GPANK1: variants seen among roughly 807,000 people sequenced by gnomAD.
GPANK1 encodes the protein G patch domain and ankyrin repeat-containing protein 1.
GPANK1 carries 22 observed loss-of-function variants against 24.0 expected under a neutral mutation model. The observed-to-expected ratio is 0.92, with a 90% CI of 0.66 to 1.31. The LOEUF is 1.31. GPANK1 is among the 50% of genes most tolerant of loss of function. The probability of loss-of-function intolerance (pLI) is 0.00; values close to 1 mark genes in which losing one functional copy is unlikely to be tolerated. For missense variants in GPANK1, 469 were observed against 453.5 expected, an observed-to-expected ratio of 1.03 and a Z score of -0.31; for synonymous variants, 174 against 177.4, an observed-to-expected ratio of 0.98 and a Z score of 0.15.
At chr6:31,665,536 A>AC, upstream of GPANK1, 4 of 1,008,614 alleles carry the variant, frequency 4.0e-6, no homozygotes, top group South Asian at 1.5e-5. Context: ...CGCCCACCCC[A>AC]CCCCACCCAA....
rs1183593161 is a variant in GPANK1, at chr6:31,662,691, G to GGA, written c.644_645dup (p.Gln216SerfsTer50). On this transcript the variant is annotated frameshift_variant, in exon 3 of 3. Coordinates refer to ENST00000375896, the MANE Select transcript of GPANK1 (RefSeq NM_033177.4). LOFTEE classifies it high-confidence loss of function. This position sits in a 1 kb window ranked among gnomAD's most constrained non-coding sequence, Gnocchi z 5.5. ...TGGGTGTCACAGTTCTCGCAGTACTGGAGGGAGGGAGTAGGAGACCTGCAG... is the reference window on the plus strand; with the variant it reads ...TGGGTGTCACAGTTCTCGCAGTACTGGAGAGGGAGGGAGTAGGAGACCTGCAG... 2 of 1,594,858 alleles carry GGA rather than the reference G, an allele frequency of 1.3e-6. No homozygotes were observed. The highest frequency in any genetic ancestry group is 2.2e-5 in the East Asian group (1 of 44,534).
chr6:31,662,167 C>G lies in GPANK1; in HGVS notation c.*99G>C. The G allele has an allele frequency of 4.3e-6, 3 of 698,324 alleles. No individual in the cohort carries two copies. The highest frequency in any genetic ancestry group is 7.1e-6 in the Non-Finnish European group (3 of 424,474). 43.3% of individuals were successfully genotyped at this position (698,324 alleles called of 1,614,324 possible). ...GCCTATTGACCAAAAACTTCAGGAT[C>G]TGCATCTGAGCAGATCCCAGGAAGG... On this transcript the variant is annotated 3_prime_UTR_variant, in exon 3 of 3. Coordinates refer to ENST00000375896, the MANE Select transcript of GPANK1 (RefSeq NM_033177.4). This position sits in a 1 kb window ranked among gnomAD's most constrained non-coding sequence, Gnocchi z 5.5.
At chr6:31,665,906 C>T (rs1036938801), upstream of GPANK1, 25 of 1,082,754 alleles carry the variant, frequency 2.3e-5, no homozygotes, top group Admixed American at 3.4e-4. Context: ...CGCCCGCAAG[C>T]GCCCTCCTCC....
upstream of GPANK1, chr6:31,666,140 G>A (rs2151179943): frequency 1.0e-6 from 1 of 993,440 alleles, no homozygotes; most frequent in Admixed American, 5.6e-5. Context: ...CTGCGCTGTA[G>A]CGGTCGCCGC....
upstream of GPANK1, chr6:31,666,160 G>A (rs1049205319): frequency 4.0e-6 from 4 of 990,122 alleles, no homozygotes; most frequent in African/African-American, 7.0e-5. Context: ...CCGTTCCCTG[G>A]AAGTAGCAAC....
chr6:31,665,609 G>A (rs1801569440), upstream of GPANK1: 1 of 1,053,558 alleles, frequency 9.5e-7, no homozygotes, highest in East Asian at 2.9e-5. Context: ...GGAGGAAACA[G>A]TATGCCCGTC....
Position 31,661,296 on chromosome 6 carries a change from T to C in GPANK1, c.*970A>G, listed in dbSNP as rs113391307. On this transcript the variant is annotated 3_prime_UTR_variant, in exon 3 of 3. Transcript: ENST00000375896. Reference sequence around the variant, plus strand: ...GTTCTGGTCCCAGTTCAACTAAGTGTACAAGCTTGATAATCGTGGGCCTTC... The same window carrying C: ...GTTCTGGTCCCAGTTCAACTAAGTGCACAAGCTTGATAATCGTGGGCCTTC... 2 of 152,266 alleles carry C rather than the reference T, an allele frequency of 1.3e-5. No individual in the cohort carries two copies. The highest frequency in any genetic ancestry group is 1.5e-5 in the Non-Finnish European group (1 of 68,072). 9.4% of individuals were successfully genotyped at this position (152,266 alleles called of 1,614,324 possible).
upstream of GPANK1, chr6:31,665,610 T>C: frequency 3.7e-6 from 4 of 1,069,966 alleles, no homozygotes; most frequent in Non-Finnish European, 4.2e-6. Context: ...GAGGAAACAG[T>C]ATGCCCGTCA....
In GPANK1 at chr6:31,664,201, C is replaced by G. The variant is rs372861884; in HGVS notation, c.278G>C (p.Gly93Ala). 9.3e-6 allele frequency: 15 copies of G among 1,614,024 alleles called. No homozygotes were observed. The highest frequency in any genetic ancestry group is 1.3e-5 in the Non-Finnish European group (15 of 1,179,952). Reference protein sequence around the residue: ...AVAEGASGRHGQGRSLEAEDK... With the variant: ...AVAEGASGRHAQGRSLEAEDK... ...CTCAGCCTCAAGGGATCTCCCTTGTCCATGTCTTCCTGATGCTCCTTCTGC... is the reference window on the plus strand; with the variant it reads ...CTCAGCCTCAAGGGATCTCCCTTGTGCATGTCTTCCTGATGCTCCTTCTGC... The change falls in exon 2 of 3, where the codon GGA becomes GCA. Residue 93 changes from glycine to alanine, a missense_variant. Coordinates refer to ENST00000375896, the MANE Select transcript of GPANK1 (RefSeq NM_033177.4).
chr6:31,662,204 G>A lies in GPANK1; in HGVS notation c.*62C>T, dbSNP rs1455649352. The stretch of plus-strand genomic sequence containing the variant: ...AGATCCCAGGAAGGGGAAGTCAAAG[G>A]GCCCAGGTCAGAGGCCCAAGTTCAG... On this transcript the variant is annotated 3_prime_UTR_variant, in exon 3 of 3. Transcript: ENST00000375896. The surrounding 1 kb of genome is among the most constrained non-coding windows in gnomAD (Gnocchi z 5.5). 1.7e-6 allele frequency: 2 copies of A among 1,145,424 alleles called. No homozygotes were observed. Among genetic ancestry groups the A allele is most frequent in the African/African-American group, 3.1e-5 (2 of 63,830 alleles). The allele number at this position is 1,145,424 out of a possible 1,614,324, so 71.0% of individuals were successfully genotyped here. A position where few individuals can be genotyped will look rare whatever the true frequency, so the allele number is the denominator to read the frequency against.
At chr6:31,665,364 G>C (rs1801511438), upstream of GPANK1, 1 of 1,276,964 alleles carries the variant, frequency 7.8e-7, no homozygotes, top group Admixed American at 2.0e-5. Context: ...ATGCCGAGAA[G>C]CCGTGTAATG....
chr6:31,666,124 C>G, upstream of GPANK1: 3 of 994,750 alleles, frequency 3.0e-6, no homozygotes, highest in Non-Finnish European at 3.6e-6. Context: ...CGGTCGGGTC[C>G]GCGGCCTGCG....
chr6:31,666,175 C>T, upstream of GPANK1: 1 of 992,950 alleles, frequency 1.0e-6, no homozygotes, highest in South Asian at 4.3e-5. Context: ...AGCAACTTCC[C>T]TACCCCACCC....
chr6:31,665,939 G>A, upstream of GPANK1: 1 of 1,053,736 alleles, frequency 9.5e-7, no homozygotes, highest in Non-Finnish European at 1.2e-6. Context: ...CAGCCAGGTC[G>A]TGCGCGGGTC....
At chr6:31,666,011 C>T, upstream of GPANK1, 1 of 998,574 alleles carries the variant, frequency 1.0e-6, no homozygotes, top group Non-Finnish European at 1.2e-6. Context: ...CCGGGGACTC[C>T]GTGTCCCGGC....
In GPANK1 at chr6:31,662,176, A is replaced by G. The variant is rs7029; in HGVS notation, c.*90T>C. On this transcript the variant is annotated 3_prime_UTR_variant, in exon 3 of 3. Coordinates refer to ENST00000375896, the MANE Select transcript of GPANK1 (RefSeq NM_033177.4). The surrounding 1 kb of genome is among the most constrained non-coding windows in gnomAD (Gnocchi z 5.5). ...CCAAAAACTTCAGGATCTGCATCTG[A>G]GCAGATCCCAGGAAGGGGAAGTCAA... is the stretch of plus-strand genomic sequence containing the variant. 247,493 of 806,402 alleles carry G rather than the reference A, an allele frequency of 0.31. 41,672 individuals carry two copies. Among genetic ancestry groups the G allele is most frequent in the African/African-American group, 0.55 (31,743 of 57,426 alleles). 50.0% of individuals were successfully genotyped at this position (806,402 alleles called of 1,614,324 possible). A position where few individuals can be genotyped will look rare whatever the true frequency, so the allele number is the denominator to read the frequency against.
upstream of GPANK1, chr6:31,665,262 ACG>A (rs1310401616): frequency 1.3e-5 from 8 of 626,146 alleles, no homozygotes; most frequent in Non-Finnish European, 2.1e-5. Context: ...GCCTTCCTCA[ACG>A]TGGCCCCCGC....
rs1316431037 is a variant in GPANK1, at chr6:31,663,815, A to G, written c.626+38T>C. On this transcript the variant is annotated intron_variant, in intron 2 of 2. Coordinates refer to ENST00000375896, the MANE Select transcript of GPANK1 (RefSeq NM_033177.4). ...GTGGTGTGGCTGGGAGAGGCAGAAC[A>G]CAATGAGACATGGGTCTGAGCTAAA... 2.0e-6 allele frequency: 3 copies of G among 1,525,022 alleles called. No homozygotes were observed. In the African/African-American group the frequency reaches 4.2e-5, roughly 21 times the overall value. The allele number at this position is 1,525,022 out of a possible 1,614,324, so 94.5% of individuals were successfully genotyped here.
chr6:31,663,572 A>G (rs975511436), intron 2 of GPANK1, among the ~76,000 whole-genome samples: 1 of 152,206 alleles, frequency 6.6e-6, no homozygotes, highest in African/African-American at 2.4e-5. Context: ...AGCATTTTAC[A>G]TATATTAACC....
Sources: gnomAD v4.1 joint callset for allele counts (sites outside exome capture counted in the v4.1 genomes callset) on GRCh38, gnomAD v4.1.1 for gene constraint, Gnocchi (gnomAD v3.1) non-coding constraint, MANE v1.5 for transcripts, NCBI Gene and HGNC (gene_info 2026-07-23, HGNC 2026-07-21) for gene names.